ATP8A2: variants seen among roughly 807,000 people sequenced by gnomAD.
The protein encoded by ATP8A2 is ATPase phospholipid transporting 8A2.
Under a neutral mutation model 165.6 loss-of-function variants are expected in ATP8A2, and 100 were observed. The observed-to-expected ratio is 0.60, with a 90% confidence interval of 0.51 to 0.71. The LOEUF is 0.71. Ranked by LOEUF, ATP8A2 falls within the 30% of genes least tolerant of loss-of-function variation. The probability of loss-of-function intolerance (pLI) is 0.00; values close to 1 mark genes in which losing one functional copy is unlikely to be tolerated. For missense variants in ATP8A2, 1,227 were observed against 1,479.5 expected (o/e 0.83, Z 2.80); for synonymous variants, 543 against 548.8 (o/e 0.99, Z 0.15).
chr13:25,516,300 G>GC (rs2037467928), intron 2 of ATP8A2, among the ~76,000 whole-genome samples: 1 of 152,096 alleles, frequency 6.6e-6, no homozygotes, highest in South Asian at 2.1e-4. Flanking sequence ...GAGGGCAAAA[G>GC]CGTTTGGGAC....
At chr13:25,592,822 C>G (rs993039664) in intron 24 of ATP8A2, among the ~76,000 whole-genome samples, 3 of 152,308 alleles carry the variant, frequency 2.0e-5, no homozygotes, top group East Asian at 3.9e-4. Context: ...TGACGCCAAA[C>G]TGAGAAGGGT....
chr13:25,379,462 TC>T (rs372275070), intron 1 of ATP8A2, among the ~76,000 whole-genome samples: 171 of 152,312 alleles, frequency 1.1e-3, no homozygotes, highest in East Asian at 0.011. Flanking sequence ...AGCAGTTCAT[TC>T]ATATTCAAAG....
At chr13:25,943,415 T>C (rs1404868567) in intron 33 of ATP8A2, among the ~76,000 whole-genome samples, 1 of 152,218 alleles carries the variant, frequency 6.6e-6, no homozygotes, top group Non-Finnish European at 1.5e-5. Flanking sequence ...ACCTTTTATA[T>C]GTTCAGATGC....
chr13:25,462,503 A>C (rs2035531292), intron 1 of ATP8A2, among the ~76,000 whole-genome samples: 1 of 152,214 alleles, frequency 6.6e-6, no homozygotes. Flanking sequence ...CTGTGCTTCA[A>C]GATGTGTCAC....
At position 25,551,623 on chromosome 13, in the gene ATP8A2, TA is replaced by T. The variant is rs1346404229; in HGVS notation, c.1057+122del. ...TTCTGTTCCCTTTGGTTACTGTACATAATGCCAGCCTTTCAAGGAGAATTGA... is the reference window on the plus strand; with the variant it reads ...TTCTGTTCCCTTTGGTTACTGTACATATGCCAGCCTTTCAAGGAGAATTGA... On this transcript the variant is annotated intron_variant, in intron 11 of 36. Transcript: ENST00000381655. 11 of 868,456 alleles carry T rather than the reference TA, an allele frequency of 1.3e-5. No homozygotes were observed. The East Asian group carries it at 2.8e-4, about 22-fold the overall frequency. The allele number at this position is 868,456 out of a possible 1,614,324, so 53.8% of individuals were successfully genotyped here. A position where few individuals can be genotyped will look rare whatever the true frequency, so the allele number is the denominator to read the frequency against.
At chr13:25,860,998 T>G in intron 32 of ATP8A2, 138 bp downstream of exon 32, 3 of 676,244 alleles carry the variant, frequency 4.4e-6, no homozygotes, top group African/African-American at 3.6e-5. Flanking sequence ...TGTGGTTTGA[T>G]CTTGATCAGG....
chr13:25,607,638 A>G (rs1261815739), intron 24 of ATP8A2, among the ~76,000 whole-genome samples: 4 of 152,230 alleles, frequency 2.6e-5, no homozygotes, highest in Non-Finnish European at 5.9e-5. Context: ...CTGTGTAATC[A>G]GATGGAAACT....
chr13:25,690,365 C>A (rs896721446), intron 24 of ATP8A2, among the ~76,000 whole-genome samples: 1 of 151,478 alleles, frequency 6.6e-6, no homozygotes, highest in African/African-American at 2.4e-5. Flanking sequence ...TTCAGGAAAA[C>A]GTGGGTTTTT....
intron 30 of ATP8A2, among the ~76,000 whole-genome samples, chr13:25,852,312 C>T (rs542981782): frequency 1.3e-5 from 2 of 152,204 alleles, no homozygotes; most frequent in South Asian, 2.1e-4. Context: ...AAGCAGTCTG[C>T]GATGCACAGG....
intron 35 of ATP8A2, among the ~76,000 whole-genome samples, chr13:26,002,111 C>T (rs1185508957): frequency 6.6e-6 from 1 of 152,182 alleles, no homozygotes; most frequent in Non-Finnish European, 1.5e-5. Flanking sequence ...TTAACATTGT[C>T]ATCACCTCAC....
At chr13:25,658,502 G>T (rs1490278631) in intron 24 of ATP8A2, among the ~76,000 whole-genome samples, 1 of 152,110 alleles carries the variant, frequency 6.6e-6, no homozygotes, top group East Asian at 1.9e-4. Context: ...AGCCGGGGGT[G>T]GTGGTGCGCA....
At chr13:25,810,386 G>A (rs1950838600) in intron 27 of ATP8A2, among the ~76,000 whole-genome samples, 1 of 151,996 alleles carries the variant, frequency 6.6e-6, no homozygotes, top group Non-Finnish European at 1.5e-5. Context: ...CCTCCTTCAG[G>A]TCCTTGGCAC....
intron 33 of ATP8A2, among the ~76,000 whole-genome samples, chr13:25,924,264 G>T (rs1163866184): frequency 6.6e-6 from 1 of 152,172 alleles, no homozygotes; most frequent in Non-Finnish European, 1.5e-5. Context: ...CACAGACCGG[G>T]CTGCTTTAAC....
intron 2 of ATP8A2, among the ~76,000 whole-genome samples, chr13:25,477,944 G>C (rs1190874445): frequency 6.6e-6 from 1 of 151,922 alleles, no homozygotes; most frequent in Non-Finnish European, 1.5e-5. Context: ...TCTCAAAAAA[G>C]AAAAAAGTAT....
At chr13:25,690,441 G>A (rs2042700221) in intron 24 of ATP8A2, among the ~76,000 whole-genome samples, 1 of 151,442 alleles carries the variant, frequency 6.6e-6, no homozygotes, top group Admixed American at 6.6e-5. Context: ...CAGCTACCCT[G>A]CAAGAGAGCT....
At chr13:25,990,162 T>C (rs1956357535) in intron 35 of ATP8A2, among the ~76,000 whole-genome samples, 1 of 151,904 alleles carries the variant, frequency 6.6e-6, no homozygotes, top group Non-Finnish European at 1.5e-5. Flanking sequence ...CCAGCCTACA[T>C]TGACTCTTTC....
chr13:25,579,773 C>T (rs2039718863), intron 21 of ATP8A2, 35 bp from the exon 22 acceptor site: 3 of 1,607,922 alleles, frequency 1.9e-6, no homozygotes, highest in Non-Finnish European at 2.6e-6. Context: ...GTCACGCGTT[C>T]TGCCTGCCTC....
intron 24 of ATP8A2, among the ~76,000 whole-genome samples, chr13:25,595,165 G>A (rs1339345561): frequency 1.3e-5 from 2 of 152,110 alleles, no homozygotes; most frequent in Non-Finnish European, 2.9e-5. Context: ...GGATAAAAGT[G>A]TAGTTTCTAA....
chr13:25,653,515 C>T (rs1188464930), intron 24 of ATP8A2, among the ~76,000 whole-genome samples: 2 of 152,128 alleles, frequency 1.3e-5, no homozygotes, highest in Non-Finnish European at 2.9e-5. Context: ...GGCTTAACAC[C>T]TAGGTGATTA....
Sources: allele counts gnomAD v4.1 joint callset (sites outside exome capture counted in the v4.1 genomes callset), GRCh38; gene constraint gnomAD v4.1.1; transcripts MANE v1.5; gene names NCBI Gene and HGNC (gene_info 2026-07-23, HGNC 2026-07-21).